Variants in PCDHGA11 observed in about 807,000 individuals in gnomAD.
PCDHGA11 encodes protocadherin gamma-A11.
A neutral mutation model predicts 60.4 loss-of-function variants in PCDHGA11; 39 were observed. That is an observed-to-expected ratio of 0.65 (90% CI 0.50 to 0.84). PCDHGA11 has a LOEUF of 0.84. Ranked by LOEUF, PCDHGA11 falls within the 40% of genes least tolerant of loss-of-function variation. PCDHGA11 has a pLI of 0.00. For synonymous variants in PCDHGA11, 533 were observed against 510.3 expected, an observed-to-expected ratio of 1.04 and a Z score of -0.60; for missense variants, 1,165 against 1,197.7, an observed-to-expected ratio of 0.97 and a Z score of 0.40.
At chr5:141,427,187 C>T (rs1318380362) in intron 1 of PCDHGA11, 1 of 456,574 alleles carries the variant, frequency 2.2e-6, no homozygotes, top group Middle Eastern at 3.3e-4. Flanking sequence ...AAATTAAATC[C>T]AAAGACTTAA....
chr5:141,450,846 A>C (rs2098698903), intron 1 of PCDHGA11, among the ~76,000 whole-genome samples: 1 of 115,730 alleles, frequency 8.6e-6, no homozygotes. Context: ...TTTTTTTGAG[A>C]TGGGGTCTTG....
chr5:141,509,051 A>G (rs1051961974), intron 3 of PCDHGA11, among the ~76,000 whole-genome samples: 1 of 152,166 alleles, frequency 6.6e-6, no homozygotes, highest in Admixed American at 6.5e-5. Context: ...CCCCGCCCCC[A>G]GAAAGCTCTC....
rs376661062 is a variant in PCDHGA11, at chr5:141,432,185, G to T, written c.2433+8525G>T. 6.2e-6 allele frequency: 10 copies of T among 1,613,956 alleles called. No individual in the cohort carries two copies. The highest frequency in any genetic ancestry group is 8.5e-6 in the Non-Finnish European group (10 of 1,180,030). ...AGGAGTTTCCCTCGTCTCTGTGACC[G>T]CCCACGACCCCGACTGTGAAGAGAA... On this transcript the variant is annotated intron_variant, in intron 1 of 3. Coordinates refer to ENST00000398587, the MANE Select transcript of PCDHGA11 (RefSeq NM_018914.3). The surrounding 1 kb of genome is among the most constrained non-coding windows in gnomAD (Gnocchi z 6.0).
chr5:141,503,812 G>C (rs2099831825), intron 2 of PCDHGA11, among the ~76,000 whole-genome samples: 1 of 152,114 alleles, frequency 6.6e-6, no homozygotes, highest in South Asian at 2.1e-4. Context: ...GGGAATCCCA[G>C]ATTGGGCAAA....
rs779974245 is a variant in PCDHGA11 at position 141,422,127 on chromosome 5, A to G, written c.900A>G (p.Gly300=). Residue 300 remains glycine, a synonymous_variant, in exon 1 of 4, where the codon GGA becomes GGG. Coordinates refer to ENST00000398587, the MANE Select transcript of PCDHGA11 (RefSeq NM_018914.3). ...SEIFQLDSQT[G]EVQVRGSLDF... is the part of the protein sequence containing the mutation. ...TATTCCAATTGGATTCACAAACTGG[A>G]GAAGTTCAAGTACGGGGGTCTCTGG... 1 of 1,600,944 alleles carries G rather than the reference A, an allele frequency of 6.2e-7. No individual in the cohort carries two copies.
At chr5:141,427,992 T>C in intron 1 of PCDHGA11, 1 of 1,599,002 alleles carries the variant, frequency 6.3e-7, no homozygotes, top group Non-Finnish European at 8.6e-7. Context: ...GCCCGATGGC[T>C]CCGCACTCTT....
intron 1 of PCDHGA11, chr5:141,442,056 C>T: frequency 5.0e-6 from 1 of 198,150 alleles, no homozygotes; most frequent in Non-Finnish European, 1.0e-5. Flanking sequence ...GGTCGCGGTG[C>T]ACTGCGGTGG....
In PCDHGA11 at chr5:141,511,829, G is replaced by A. The variant is rs1181369164; in HGVS notation, c.*656G>A. 1 of 156,774 alleles carries A rather than the reference G, an allele frequency of 6.4e-6. No individual in the cohort carries two copies. Among genetic ancestry groups the A allele is most frequent in the Non-Finnish European group, 1.4e-5 (1 of 70,652 alleles). The allele number at this position is 156,774 out of a possible 1,614,324, so 9.7% of individuals were successfully genotyped here. Reference sequence around the variant, plus strand: ...TACCAAGCCTCTTCCCAACGCCCTGGGGACCAGTCTTCTGTTTTGTTTTTC... The same window carrying A: ...TACCAAGCCTCTTCCCAACGCCCTGAGGACCAGTCTTCTGTTTTGTTTTTC... On this transcript the variant is annotated 3_prime_UTR_variant, in exon 4 of 4. Transcript: ENST00000398587.
rs763729316 is a variant in PCDHGA11 at position 141,423,225 on chromosome 5, C to G, written c.1998C>G (p.Ala666=). ...SATVTLTVAV[A]DSIPEVLADL... is the part of the protein sequence containing the mutation. ...CCGTCACGCTCACCGTGGCTGTGGC[C>G]GACAGCATCCCCGAAGTCCTGGCGG... Residue 666 remains alanine (A), a synonymous_variant, in exon 1 of 4, where the codon GCC becomes GCG. Transcript: ENST00000398587. The G allele has an allele frequency of 1.9e-6, 3 of 1,613,686 alleles. No individual in the cohort carries two copies. Among genetic ancestry groups the G allele is most frequent in the Admixed American group, 1.7e-5 (1 of 60,010 alleles).
At position 141,421,640 on chromosome 5, in the gene PCDHGA11, A is replaced by T. The variant is rs367946949; in HGVS notation, c.413A>T (p.Glu138Val). The T allele has an allele frequency of 6.2e-7, 1 of 1,613,716 alleles. No individual in the cohort carries two copies. The highest frequency in any genetic ancestry group is 8.5e-7 in the Non-Finnish European group (1 of 1,179,806). ...AACGCCCCCAGCTTCCAGGAGGACGAAGTGGAGATAAAAGTCAGTGAGCAC... is the reference window on the plus strand; with the variant it reads ...AACGCCCCCAGCTTCCAGGAGGACGTAGTGGAGATAAAAGTCAGTGAGCAC... Reference protein sequence around the residue: ...NDNAPSFQEDEVEIKVSEHAI... With the variant: ...NDNAPSFQEDVVEIKVSEHAI... The change falls in exon 1 of 4, where the codon GAA becomes GTA. Residue 138 changes from glutamate to valine, a missense_variant. Coordinates refer to ENST00000398587, the MANE Select transcript of PCDHGA11 (RefSeq NM_018914.3).
At chr5:141,434,337 C>T (rs939910421) in intron 1 of PCDHGA11, among the ~76,000 whole-genome samples, 13 of 152,230 alleles carry the variant, frequency 8.5e-5, no homozygotes, top group African/African-American at 2.4e-4. Context: ...CTCTTTGTGT[C>T]GGGAACAGGC....
chr5:141,440,503 G>A (rs979260104), intron 1 of PCDHGA11: 10 of 152,154 alleles, frequency 6.6e-5, no homozygotes, highest in Non-Finnish European at 1.0e-4. Flanking sequence ...ACATTAATAT[G>A]GAGATTCAGG....
At position 141,485,671 on chromosome 5, in the gene PCDHGA11, G is replaced by T; in HGVS notation, c.2434-9136G>T. On this transcript the variant is annotated intron_variant, in intron 1 of 3. Coordinates refer to ENST00000398587, the MANE Select transcript of PCDHGA11 (RefSeq NM_018914.3). This position sits in a 1 kb window ranked among gnomAD's most constrained non-coding sequence, Gnocchi z 5.7. The stretch of plus-strand genomic sequence containing the variant: ...AGGATGCAGATGTGGGGAGCAATTC[G>T]ATTAGCAGCTATAGGCTGAGCTCCA... 6.2e-7 allele frequency: 1 copy of T among 1,612,860 alleles called. No homozygotes were observed. The highest frequency in any genetic ancestry group is 8.5e-7 in the Non-Finnish European group (1 of 1,179,040).
chr5:141,438,627 T>TAC (rs2098030812), intron 1 of PCDHGA11, among the ~76,000 whole-genome samples: 3 of 48,012 alleles, frequency 6.2e-5, no homozygotes, highest in Non-Finnish European at 1.0e-4. Flanking sequence ...TATATATATA[T>TAC]ATATATATAC....
chr5:141,501,441 A>G (rs547792017), intron 2 of PCDHGA11, among the ~76,000 whole-genome samples: 1 of 151,898 alleles, frequency 6.6e-6, no homozygotes, highest in African/African-American at 2.4e-5. Context: ...CATTTCTTCC[A>G]TTTTTACTTT....
chr5:141,494,953 T>G, intron 2 of PCDHGA11, 88 bp downstream of exon 2: 1 of 1,604,164 alleles, frequency 6.2e-7, no homozygotes, highest in Non-Finnish European at 8.5e-7. Flanking sequence ...GCCCAGCATT[T>G]GCTACAGATG....
At position 141,491,692 on chromosome 5, in the gene PCDHGA11, C is replaced by T. The variant is rs749349869; in HGVS notation, c.2434-3115C>T. On this transcript the variant is annotated intron_variant, in intron 1 of 3. Coordinates refer to ENST00000398587, the MANE Select transcript of PCDHGA11 (RefSeq NM_018914.3). This position sits in a 1 kb window ranked among gnomAD's most constrained non-coding sequence, Gnocchi z 6.9. ...GTCCCGCTCTAATACGCTGCGGGAG[C>T]GGAGCCAGGTGAGGGGCTCGGCGCC... is the stretch of plus-strand genomic sequence containing the variant. 1 of 1,612,594 alleles carries T rather than the reference C, an allele frequency of 6.2e-7. No homozygotes were observed. The highest frequency in any genetic ancestry group is 8.5e-7 in the Non-Finnish European group (1 of 1,179,340).
chr5:141,433,064 A>T, intron 1 of PCDHGA11: 1 of 1,614,064 alleles, frequency 6.2e-7, no homozygotes, highest in Non-Finnish European at 8.5e-7. Context: ...GAGTCACCTG[A>T]TCTTCCCCCA....
Position 141,422,056 on chromosome 5 carries a change from G to A in PCDHGA11, c.829G>A (p.Glu277Lys). Residue 277 changes from glutamate to lysine, a missense_variant, in exon 1 of 4, where the codon GAA (glutamate) becomes AAA (lysine). Physicochemically the swap from Glu to Lys is moderately conservative, Grantham distance 56 (BLOSUM62 1). Coordinates refer to ENST00000398587, the MANE Select transcript of PCDHGA11 (RefSeq NM_018914.3). ...ATDPDEGING[E>K]VMYSFRNMES... ...GGATCCAGACGAGGGAATCAACGGG[G>A]AAGTAATGTATTCATTTCGGAACAT... 8.7e-6 allele frequency: 14 copies of A among 1,611,934 alleles called. No individual in the cohort carries two copies. Among genetic ancestry groups the A allele is most frequent in the Non-Finnish European group, 1.2e-5 (14 of 1,179,364 alleles).
Sources: allele counts gnomAD v4.1 joint callset (sites outside exome capture counted in the v4.1 genomes callset), GRCh38; gene constraint gnomAD v4.1.1; non-coding constraint Gnocchi (gnomAD v3.1); transcripts MANE v1.5; gene names NCBI Gene and HGNC (gene_info 2026-07-23, HGNC 2026-07-21).